The following ARHGEF25 variants were observed in gnomAD, a reference collection of about 807,000 sequenced individuals.
The protein encoded by ARHGEF25 is RAC/CDC42 exchange factor.
A neutral mutation model predicts 74.0 loss-of-function variants in ARHGEF25; 42 were observed. The observed-to-expected ratio is 0.57, with a 90% confidence interval of 0.44 to 0.73. The LOEUF is 0.73. ARHGEF25 is among the 30% of genes least tolerant of loss of function. The pLI is 0.00. For missense variants in ARHGEF25, 645 were observed against 725.5 expected (o/e 0.89, Z 1.27); for synonymous variants, 293 against 278.6 (o/e 1.05, Z -0.51).
chr12:57,611,900 G>T lies in ARHGEF25; in HGVS notation c.6G>T (p.Arg2=), dbSNP rs750094404. The change falls in exon 1 of 15, where the codon CGG becomes CGT. Residue 2 remains arginine, a synonymous_variant. Coordinates refer to ENST00000286494, the MANE Select transcript of ARHGEF25 (RefSeq NM_182947.4). The surrounding 1 kb of genome is among the most constrained non-coding windows in gnomAD (Gnocchi z 4.5). Reference sequence around the variant, plus strand: ...CGCGGGGGGGCCCGGGCGCCATGCGGGGGGGGCACAAAGGGGGTCGCTGTG... The same window carrying T: ...CGCGGGGGGGCCCGGGCGCCATGCGTGGGGGGCACAAAGGGGGTCGCTGTG... M[R]GGHKGGRCAC... The T allele has an allele frequency of 1.6e-5, 20 of 1,257,142 alleles. No homozygotes were observed. Among genetic ancestry groups the T allele is most frequent in the East Asian group, 5.7e-5 (2 of 34,870 alleles). 77.9% of individuals were successfully genotyped at this position (1,257,142 alleles called of 1,614,324 possible). A position where few individuals can be genotyped will look rare whatever the true frequency, so the allele number is the denominator to read the frequency against.
Position 57,616,897 on chromosome 12 carries a change from G to T in ARHGEF25, c.*3G>T, listed in dbSNP as rs765648890. 6.2e-7 allele frequency: 1 copy of T among 1,612,290 alleles called. No homozygotes were observed. The highest frequency in any genetic ancestry group is 1.1e-5 in the South Asian group (1 of 91,022). On this transcript the variant is annotated 3_prime_UTR_variant, in exon 15 of 15. Transcript: ENST00000286494. ...AGCTGGATGAAGATGAGCTGTAACT[G>T]GTGAAAACCATGGGGGTGGTGCTGA...
At position 57,611,493 on chromosome 12, in the gene ARHGEF25, C is replaced by T. The variant is rs1025398294; in HGVS notation, c.-402C>T. The T allele has an allele frequency of 3.0e-6, 3 of 985,832 alleles. No homozygotes were observed. Among genetic ancestry groups the T allele is most frequent in the Middle Eastern group, 5.2e-4 (1 of 1,916 alleles). The allele number at this position is 985,832 out of a possible 1,614,324, so 61.1% of individuals were successfully genotyped here. A position where few individuals can be genotyped will look rare whatever the true frequency, so the allele number is the denominator to read the frequency against. ...CGCCAGTGGCTCGGGGGTCGGCCCT[C>T]GCCTCCTCCCCGGCCCGGGCCTAGA... On this transcript the variant is annotated 5_prime_UTR_variant, in exon 1 of 15. Coordinates refer to ENST00000286494, the MANE Select transcript of ARHGEF25 (RefSeq NM_182947.4). This position sits in a 1 kb window ranked among gnomAD's most constrained non-coding sequence, Gnocchi z 4.5.
At position 57,614,669 on chromosome 12, in the gene ARHGEF25, C is replaced by CA. The variant is rs1884201836; in HGVS notation, c.817-19dup. 1.2e-6 allele frequency: 2 copies of CA among 1,613,558 alleles called. No homozygotes were observed. Among genetic ancestry groups the CA allele is most frequent in the African/African-American group, 2.7e-5 (2 of 74,880 alleles). On this transcript the variant is annotated intron_variant, in intron 8 of 14. Transcript: ENST00000286494. The surrounding 1 kb of genome is among the most constrained non-coding windows in gnomAD (Gnocchi z 4.6). ...ACTGGGGCTTTCCAGGCTGCATAAC[C>CA]ACCCTGTCCCTGTCCCCAGGAGCTC...
intron 1 of ARHGEF25, chr12:57,612,677 G>A: frequency 7.3e-7 from 1 of 1,362,680 alleles, no homozygotes. Context: ...CTATGCTCAG[G>A]ATATGGGGAA....
intron 4 of ARHGEF25, 64 bp from the exon 5 acceptor site, chr12:57,613,630 A>G (rs1884151914): frequency 6.2e-7 from 1 of 1,610,628 alleles, no homozygotes; most frequent in African/African-American, 1.3e-5. Context: ...AGGAGGGAGG[A>G]ACGGGCTGAA....
chr12:57,612,999 C>G lies in ARHGEF25; in HGVS notation c.167C>G (p.Ser56Cys). The G allele has an allele frequency of 6.2e-7, 1 of 1,614,192 alleles. No homozygotes were observed. The highest frequency in any genetic ancestry group is 1.1e-5 in the South Asian group (1 of 91,082). Reference sequence around the variant, plus strand: ...GCTGCCTCCGGTCTGGCTGCCCCCTCTGGCCCCAGCTCTGGCCTCAGCTCT... The same window carrying G: ...GCTGCCTCCGGTCTGGCTGCCCCCTGTGGCCCCAGCTCTGGCCTCAGCTCT... ...ASAASGLAAP[S>C]GPSSGLSSGP... The change falls in exon 2 of 15, where the codon TCT (serine) becomes TGT (cysteine). Residue 56 changes from serine (S) to cysteine (C), a missense_variant. Physicochemically the swap from Ser to Cys is moderately radical, Grantham distance 112. Around this residue, in one of 3 missense-constraint regions of ARHGEF25, gnomAD observed 189 missense variants for 199.1 expected, o/e 0.95. Transcript: ENST00000286494.
In ARHGEF25 at chr12:57,613,862, G is replaced by A; in HGVS notation, c.552+102G>A. ...GGCGCTCCTCTGTCCCACCTCTCAA[G>A]CCTCCCCACTCCTGGACCTTCCTAC... is the stretch of plus-strand genomic sequence containing the variant. On this transcript the variant is annotated intron_variant, in intron 5 of 14. Coordinates refer to ENST00000286494, the MANE Select transcript of ARHGEF25 (RefSeq NM_182947.4). 8 of 1,513,238 alleles carry A rather than the reference G, an allele frequency of 5.3e-6. No individual in the cohort carries two copies. The South Asian group carries it at 8.4e-5, about 16-fold the overall frequency. 93.7% of individuals were successfully genotyped at this position (1,513,238 alleles called of 1,614,324 possible).
rs184704338 is a variant in ARHGEF25 at position 57,615,184 on chromosome 12, C to T, written c.961-53C>T. ...GGCAACTGGCCGAGGAGGCCTCTTT[C>T]CCAATAATGACTCTCTTCGCCCAAC... On this transcript the variant is annotated intron_variant, in intron 10 of 14. Transcript: ENST00000286494. 6.8e-4 allele frequency: 1,070 copies of T among 1,564,392 alleles called. 1 individual carries two copies. The highest frequency in any genetic ancestry group is 1.9e-3 in the Middle Eastern group (11 of 5,762).
Position 57,614,011 on chromosome 12 carries a change from C to A in ARHGEF25, c.553-5C>A. 3 of 1,613,942 alleles carry A rather than the reference C, an allele frequency of 1.9e-6. No individual in the cohort carries two copies. Among genetic ancestry groups the A allele is most frequent in the Non-Finnish European group, 2.5e-6 (3 of 1,179,902 alleles). On this transcript the variant is annotated splice_polypyrimidine_tract_variant and splice_region_variant and intron_variant, in intron 5 of 14. Coordinates refer to ENST00000286494, the MANE Select transcript of ARHGEF25 (RefSeq NM_182947.4). The surrounding 1 kb of genome is among the most constrained non-coding windows in gnomAD (Gnocchi z 4.6). Reference sequence around the variant, plus strand: ...GCTCATGACCCAACCTCAACTTTCCCACAGGGTTATATGGCCACCATGGCT... The same window carrying A: ...GCTCATGACCCAACCTCAACTTTCCAACAGGGTTATATGGCCACCATGGCT...
chr12:57,614,305 T>G lies in ARHGEF25; in HGVS notation c.657-26T>G, dbSNP rs772354760. The G allele has an allele frequency of 1.2e-6, 2 of 1,613,750 alleles. No homozygotes were observed. Among genetic ancestry groups the G allele is most frequent in the South Asian group, 2.2e-5 (2 of 91,064 alleles). ...TGGGGGTTGTGAAATGTATTTGACC[T>G]GCTGCTTCTCTACCAACCCCTCCAG... On this transcript the variant is annotated intron_variant, in intron 6 of 14. Coordinates refer to ENST00000286494, the MANE Select transcript of ARHGEF25 (RefSeq NM_182947.4). The surrounding 1 kb of genome is among the most constrained non-coding windows in gnomAD (Gnocchi z 4.6).
chr12:57,610,772 G>T (rs891718824), upstream of ARHGEF25: 314 of 1,163,190 alleles, frequency 2.7e-4, no homozygotes, highest in Middle Eastern at 4.5e-3. Context: ...TTAGCATAAA[G>T]TTCGCATCTA....
chr12:57,614,779 A>G lies in ARHGEF25; in HGVS notation c.907A>G (p.Lys303Glu). The G allele has an allele frequency of 1.9e-6, 3 of 1,607,486 alleles. No individual in the cohort carries two copies. Among genetic ancestry groups the G allele is most frequent in the Non-Finnish European group, 8.5e-7 (1 of 1,176,904 alleles). ...GATCATGAAATACCAGCTGCTGCTC[A>G]AGGTCAGGACCCCCTTTTTCCTGGG... ...QRIMKYQLLL[K>E]DFLKYYNRAG... The change falls in exon 9 of 15, where the codon AAG becomes GAG. Residue 303 changes from lysine to glutamate, a missense_variant and splice_region_variant. Lys to Glu is a moderately conservative substitution (Grantham distance 56). Coordinates refer to ENST00000286494, the MANE Select transcript of ARHGEF25 (RefSeq NM_182947.4). The surrounding 1 kb of genome is among the most constrained non-coding windows in gnomAD (Gnocchi z 4.6).
chr12:57,614,862 C>A lies in ARHGEF25; in HGVS notation c.909+81C>A, dbSNP rs548191277. 2 of 1,570,170 alleles carry A rather than the reference C, an allele frequency of 1.3e-6. No homozygotes were observed. Among genetic ancestry groups the A allele is most frequent in the East Asian group, 2.3e-5 (1 of 43,820 alleles). ...TCATCTCCCCAGGGTTCTTAGGGCT[C>A]CCCCAGACTTCCTGAGGGCCCTCAC... is the stretch of plus-strand genomic sequence containing the variant. On this transcript the variant is annotated intron_variant, in intron 9 of 14. Coordinates refer to ENST00000286494, the MANE Select transcript of ARHGEF25 (RefSeq NM_182947.4). This position sits in a 1 kb window ranked among gnomAD's most constrained non-coding sequence, Gnocchi z 4.6.
At position 57,616,849 on chromosome 12, in the gene ARHGEF25, TCC is replaced by T; in HGVS notation, c.1700_1701del (p.Pro567LeufsTer10). ...PPVSPTPKTPPCQARLAKLDE... is the reference protein window; with the variant it reads ...PPVSPTPKTPXCQARLAKLDE... ...CAGTCTCTCCAACTCCAAAAACCCCTCCCTGCCAAGCCAGACTTGCCAAGCTG... is the reference window on the plus strand; with the variant it reads ...CAGTCTCTCCAACTCCAAAAACCCCTCTGCCAAGCCAGACTTGCCAAGCTG... On this transcript the variant is annotated frameshift_variant, in exon 15 of 15. Transcript: ENST00000286494. LOFTEE classifies it high-confidence loss of function. The T allele has an allele frequency of 6.2e-7, 1 of 1,612,904 alleles. No homozygotes were observed. The highest frequency in any genetic ancestry group is 1.1e-5 in the South Asian group (1 of 91,054).
chr12:57,613,379 G>T lies in ARHGEF25; in HGVS notation c.408+20G>T, dbSNP rs1210751892. Reference sequence around the variant, plus strand: ...ACGCAGGTGTGAGGACAGGCTCTGGGGAGGCTCCTTTCACTCAAGGGGCAT... The same window carrying T: ...ACGCAGGTGTGAGGACAGGCTCTGGTGAGGCTCCTTTCACTCAAGGGGCAT... On this transcript the variant is annotated intron_variant, in intron 3 of 14. Transcript: ENST00000286494. 19 of 1,614,196 alleles carry T rather than the reference G, an allele frequency of 1.2e-5. No individual in the cohort carries two copies. Among genetic ancestry groups the T allele is most frequent in the Non-Finnish European group, 1.4e-5 (17 of 1,180,028 alleles).
rs151122035 is a variant in ARHGEF25 at position 57,612,996 on chromosome 12, C to A, written c.164C>A (p.Pro55His). The A allele has an allele frequency of 1.2e-6, 2 of 1,614,192 alleles. No individual in the cohort carries two copies. The highest frequency in any genetic ancestry group is 1.7e-4 in the Middle Eastern group (1 of 6,060). ...SASAASGLAAPSGPSSGLSSG... is the reference protein window; with the variant it reads ...SASAASGLAAHSGPSSGLSSG... ...TCTGCTGCCTCCGGTCTGGCTGCCC[C>A]CTCTGGCCCCAGCTCTGGCCTCAGC... The change falls in exon 2 of 15, where the codon CCC becomes CAC. Residue 55 changes from proline (P) to histidine (H), a missense_variant. Around this residue, in one of 3 missense-constraint regions of ARHGEF25, gnomAD observed 189 missense variants for 199.1 expected, o/e 0.95. Coordinates refer to ENST00000286494, the MANE Select transcript of ARHGEF25 (RefSeq NM_182947.4).
intron 5 of ARHGEF25, 59 bp from the exon 6 acceptor site, chr12:57,613,957 C>T (rs1187417635): frequency 6.4e-7 from 1 of 1,555,036 alleles, no homozygotes; most frequent in Admixed American, 1.7e-5. Flanking sequence ...TACAGGAGCA[C>T]CATTAAGGTG....
upstream of ARHGEF25, chr12:57,610,714 GT>G (rs750595135): frequency 3.8e-6 from 6 of 1,581,472 alleles, no homozygotes; most frequent in Admixed American, 5.3e-5. Context: ...GTGGGGCACA[GT>G]TTGCTATCCT....
rs372636594 is a variant in ARHGEF25, at chr12:57,612,982, C to T, written c.150C>T (p.Ser50=). The T allele has an allele frequency of 2.4e-5, 39 of 1,614,082 alleles. No homozygotes were observed. Among genetic ancestry groups the T allele is most frequent in the South Asian group, 2.0e-4 (18 of 91,084 alleles). ...SEGSISASAA[S]GLAAPSGPSS... ...GGAGTATATCGGCTTCTGCTGCCTC[C>T]GGTCTGGCTGCCCCCTCTGGCCCCA... Residue 50 remains serine, a synonymous_variant, in exon 2 of 15, where the codon TCC becomes TCT. Transcript: ENST00000286494.
Sources: gnomAD v4.1 joint callset for allele counts on GRCh38, gnomAD v4.1.1 for gene constraint, gnomAD v4.1.1 regional missense constraint, Gnocchi (gnomAD v3.1) non-coding constraint, MANE v1.5 for transcripts, NCBI Gene and HGNC (gene_info 2026-07-23, HGNC 2026-07-21) for gene names.